VAV1: variants seen among roughly 807,000 people sequenced by gnomAD.
VAV1 encodes the protein proto-oncogene vav.
In VAV1, 33 loss-of-function variants were observed where a neutral mutation model predicts 128.1. That is an observed-to-expected ratio of 0.26 (90% confidence interval 0.20 to 0.34). VAV1 has a LOEUF of 0.34. VAV1 is among the 10% of genes least tolerant of loss of function. The pLI, the probability that VAV1 is intolerant of heterozygous loss-of-function variation, is 1.00. For synonymous variants in VAV1, 394 were observed against 409.8 expected, an observed-to-expected ratio of 0.96 and a Z score of 0.47; for missense variants, 715 against 1,093.7, an observed-to-expected ratio of 0.65 and a Z score of 4.88.
At chr19:6,832,607 A>C (rs57465460) in intron 15 of VAV1, among the ~76,000 whole-genome samples, 4,634 of 51,456 alleles carry the variant, frequency 0.09, 54 homozygotes, top group Middle Eastern at 0.15. Context: ...TCTTCCTCCT[A>C]TTCCTCCTCC....
At chr19:6,837,276 T>C (rs1972245866) in intron 21 of VAV1, among the ~76,000 whole-genome samples, 1 of 152,172 alleles carries the variant, frequency 6.6e-6, no homozygotes, top group Admixed American at 6.5e-5. Context: ...TGTGTAAAGG[T>C]CCTTTCCTTC....
In VAV1 at chr19:6,797,231, CAAAAAAAA is replaced by C. The variant is rs34227069; in HGVS notation, c.205-23459_205-23452del. 1.9e-3 allele frequency among the ~76,000 whole-genome samples: 246 copies of C among 126,410 alleles called. 3 individuals carry two copies. The South Asian group carries it at 0.02, about 10-fold the overall frequency. 82.9% of individuals were successfully genotyped at this position (126,410 alleles called of 152,430 possible). On this transcript the variant is annotated intron_variant, in intron 1 of 26. Coordinates refer to ENST00000602142, the MANE Select transcript of VAV1 (RefSeq NM_005428.4). Reference sequence around the variant, plus strand: ...TGGGTGACAGAGTGAGACTCAGTATCAAAAAAAAAAAAAAAAAAATTGCATAGTGAATG... The same window carrying C: ...TGGGTGACAGAGTGAGACTCAGTATCAAAAAAAAAAATTGCATAGTGAATG...
intron 22 of VAV1, among the ~76,000 whole-genome samples, chr19:6,847,700 C>T (rs1305747649): frequency 1.3e-5 from 2 of 152,080 alleles, no homozygotes; most frequent in Non-Finnish European, 2.9e-5. Flanking sequence ...CAGGAAATGC[C>T]TGGTGAAGCC....
At chr19:6,792,114 G>A (rs1411346278) in intron 1 of VAV1, among the ~76,000 whole-genome samples, 1 of 152,130 alleles carries the variant, frequency 6.6e-6, no homozygotes, top group Non-Finnish European at 1.5e-5. Flanking sequence ...TGTTTTGGGA[G>A]GTTGAGGCAG....
chr19:6,847,608 T>C (rs1051237286), intron 22 of VAV1, among the ~76,000 whole-genome samples: 1 of 152,114 alleles, frequency 6.6e-6, no homozygotes, highest in African/African-American at 2.4e-5. Flanking sequence ...CTCACTTACA[T>C]TTTGCACCTG....
intron 1 of VAV1, among the ~76,000 whole-genome samples, chr19:6,785,661 CTTT>C (rs754577854): frequency 3.9e-5 from 5 of 128,494 alleles, no homozygotes; most frequent in African/African-American, 2.9e-5. Flanking sequence ...TTCTTTCTTT[CTTT>C]TTTTTTTTTT....
At chr19:6,825,614 C>T (rs960392243) in intron 8 of VAV1, among the ~76,000 whole-genome samples, 2 of 152,180 alleles carry the variant, frequency 1.3e-5, no homozygotes, top group African/African-American at 2.4e-5. Flanking sequence ...CTTCTGCTTC[C>T]TCATCTGTAC....
At chr19:6,836,347 A>C in intron 19 of VAV1, 85 bp from the exon 20 acceptor site, 1 of 1,508,318 alleles carries the variant, frequency 6.6e-7, no homozygotes, top group South Asian at 1.3e-5. Flanking sequence ...TAAAAAGAAA[A>C]ATTTTAGCCA....
intron 19 of VAV1, among the ~76,000 whole-genome samples, chr19:6,834,404 C>T (rs1036410716): frequency 2.0e-5 from 3 of 151,334 alleles, no homozygotes; most frequent in Middle Eastern, 3.4e-3. Flanking sequence ...TCACCACGCT[C>T]GGCTAATTTT....
chr19:6,820,280 G>T lies in VAV1; in HGVS notation c.205-422G>T, dbSNP rs1171712044. On this transcript the variant is annotated intron_variant, in intron 1 of 26. Transcript: ENST00000602142. This position sits in a 1 kb window ranked among gnomAD's most constrained non-coding sequence, Gnocchi z 4.4. ...AGACAGGGTCTTGCTTTGTTGCCCAGGCTGGAGTGCAGTGGTGCCATCATA... is the reference window on the plus strand; with the variant it reads ...AGACAGGGTCTTGCTTTGTTGCCCATGCTGGAGTGCAGTGGTGCCATCATA... Among the ~76,000 whole-genome samples the T allele has an allele frequency of 6.6e-6, 1 of 152,170 alleles. No individual in the cohort carries two copies. The highest frequency in any genetic ancestry group is 1.5e-5 in the Non-Finnish European group (1 of 68,024).
chr19:6,823,219 G>A (rs1400528388), intron 6 of VAV1, among the ~76,000 whole-genome samples: 8 of 149,416 alleles, frequency 5.4e-5, no homozygotes, highest in East Asian at 3.9e-4. Flanking sequence ...TCTGCCTACC[G>A]GGCTCAAGCA....
At position 6,777,993 on chromosome 19, in the gene VAV1, G is replaced by A. The variant is rs1420552068; in HGVS notation, c.204+4982G>A. Among the ~76,000 whole-genome samples, 1 of 152,074 alleles carries A rather than the reference G, an allele frequency of 6.6e-6. No individual in the cohort carries two copies. The highest frequency in any genetic ancestry group is 6.6e-5 in the Admixed American group (1 of 15,242). Reference sequence around the variant, plus strand: ...TTTCTGTTGCCCAGGCTGGAGTACAGTGGCATGATCTTGGCTCACTGCAAC... The same window carrying A: ...TTTCTGTTGCCCAGGCTGGAGTACAATGGCATGATCTTGGCTCACTGCAAC... On this transcript the variant is annotated intron_variant, in intron 1 of 26. Coordinates refer to ENST00000602142, the MANE Select transcript of VAV1 (RefSeq NM_005428.4). The surrounding 1 kb of genome is among the most constrained non-coding windows in gnomAD (Gnocchi z 4.4).
At chr19:6,810,115 G>T (rs1971484554) in intron 1 of VAV1, among the ~76,000 whole-genome samples, 1 of 152,052 alleles carries the variant, frequency 6.6e-6, no homozygotes, top group Non-Finnish European at 1.5e-5. Context: ...AAAGGTGGAG[G>T]CTGCAGTGAG....
chr19:6,805,858 G>T (rs1971385393), intron 1 of VAV1, among the ~76,000 whole-genome samples: 1 of 151,730 alleles, frequency 6.6e-6, no homozygotes, highest in Admixed American at 6.6e-5. Context: ...AAGGAAGAAG[G>T]AAGGAAGGAA....
intron 19 of VAV1, 58 bp downstream of exon 19, chr19:6,834,011 T>C (rs1972157230): frequency 3.1e-6 from 5 of 1,610,492 alleles, no homozygotes; most frequent in African/African-American, 1.3e-5. Flanking sequence ...CTATTGATGT[T>C]GACCCAGGGA....
chr19:6,773,580 C>G (rs1970550565), intron 1 of VAV1, among the ~76,000 whole-genome samples: 1 of 152,188 alleles, frequency 6.6e-6, no homozygotes, highest in African/African-American at 2.4e-5. Flanking sequence ...TCTGAGCTTC[C>G]TCCCTGCATC....
intron 13 of VAV1, 126 bp downstream of exon 13, chr19:6,829,026 T>C: frequency 1.8e-6 from 2 of 1,098,296 alleles, no homozygotes; most frequent in Non-Finnish European, 2.6e-6. Flanking sequence ...GGGGCCGGGC[T>C]TCTAGATGGA....
chr19:6,820,879 C>G lies in VAV1; in HGVS notation c.321+61C>G. The stretch of plus-strand genomic sequence containing the variant: ...CAGTTAATTTCTATTGACGTCTACA[C>G]TGGGCAAGCTAAGGACTGTCAGGGG... On this transcript the variant is annotated intron_variant, in intron 2 of 26. Transcript: ENST00000602142. The surrounding 1 kb of genome is among the most constrained non-coding windows in gnomAD (Gnocchi z 4.4). The G allele has an allele frequency of 1.3e-6, 2 of 1,504,646 alleles. No individual in the cohort carries two copies. Among genetic ancestry groups the G allele is most frequent in the South Asian group, 2.3e-5 (2 of 88,462 alleles). 93.2% of individuals were successfully genotyped at this position (1,504,646 alleles called of 1,614,324 possible).
At chr19:6,824,311 A>G (rs1485413451) in intron 6 of VAV1, among the ~76,000 whole-genome samples, 4 of 151,738 alleles carry the variant, frequency 2.6e-5, no homozygotes, top group Non-Finnish European at 5.9e-5. Context: ...TCAATCTCTT[A>G]TCTTCCCCCG....
Sources: gnomAD v4.1 joint callset for allele counts (sites outside exome capture counted in the v4.1 genomes callset) on GRCh38, gnomAD v4.1.1 for gene constraint, Gnocchi (gnomAD v3.1) non-coding constraint, MANE v1.5 for transcripts, NCBI Gene and HGNC (gene_info 2026-07-23, HGNC 2026-07-21) for gene names.